ATP2A2: variants seen among roughly 807,000 people sequenced by gnomAD.
ATP2A2 encodes the protein ATPase sarcoplasmic/endoplasmic reticulum Ca2+ transporting 2.
A neutral mutation model predicts 109.3 loss-of-function variants in ATP2A2; 14 were observed. The ratio of observed to expected loss-of-function variants is 0.13; its 90% CI spans 0.08 to 0.20. ATP2A2 has a LOEUF of 0.20. Among genes scored for constraint, ATP2A2 ranks in the 10% least tolerant of loss-of-function variants. ATP2A2 has a pLI of 1.00. For missense variants in ATP2A2, 657 were observed against 1,321.6 expected (o/e 0.50, Z 7.80); for synonymous variants, 506 against 490.9 (o/e 1.03, Z -0.41).
chr12:110,308,867 G>A (rs1201224138), intron 5 of ATP2A2, among the ~76,000 whole-genome samples: 3 of 152,190 alleles, frequency 2.0e-5, no homozygotes, highest in African/African-American at 4.8e-5. Context: ...ATGTGAAGGG[G>A]TTTTTCAGAT....
At chr12:110,343,660 T>C (rs1879570968) in intron 16 of ATP2A2, among the ~76,000 whole-genome samples, 1 of 152,194 alleles carries the variant, frequency 6.6e-6, no homozygotes, top group Admixed American at 6.5e-5. Context: ...CTTTTCTGAA[T>C]GAGCAATTAA....
intron 5 of ATP2A2, among the ~76,000 whole-genome samples, chr12:110,313,194 C>T (rs1054774041): frequency 6.6e-6 from 1 of 152,070 alleles, no homozygotes. Flanking sequence ...CCTCTCTACT[C>T]CCCATGATTC....
At chr12:110,299,943 G>A (rs1874382023) in intron 5 of ATP2A2, among the ~76,000 whole-genome samples, 1 of 151,734 alleles carries the variant, frequency 6.6e-6, no homozygotes, top group Non-Finnish European at 1.5e-5. Context: ...TTTAGTAGAT[G>A]TGGGGTTTCT....
intron 2 of ATP2A2, 37 bp from the exon 3 acceptor site, chr12:110,282,676 A>G (rs1437201076): frequency 3.1e-6 from 5 of 1,613,756 alleles, no homozygotes; most frequent in Middle Eastern, 1.6e-4. Flanking sequence ...GCTGATGGTA[A>G]GATGACAGTT....
chr12:110,286,675 G>A (rs1872694500), intron 3 of ATP2A2, among the ~76,000 whole-genome samples: 1 of 147,814 alleles, frequency 6.8e-6, no homozygotes, highest in Admixed American at 6.7e-5. Flanking sequence ...TTCTCGAAAT[G>A]TTTAATTTCC....
intron 3 of ATP2A2, among the ~76,000 whole-genome samples, chr12:110,285,172 T>C (rs1336758484): frequency 2.0e-5 from 3 of 152,250 alleles, no homozygotes; most frequent in Non-Finnish European, 4.4e-5. Flanking sequence ...CTATAGTTAA[T>C]ATTTTGCTGT....
chr12:110,319,514 C>T (rs2137793949), intron 5 of ATP2A2, among the ~76,000 whole-genome samples: 1 of 150,992 alleles, frequency 6.6e-6, no homozygotes, highest in Non-Finnish European at 1.5e-5. Context: ...AGTTTCTGCA[C>T]AGCAAAGAAA....
At chr12:110,304,079 T>A (rs1039251096) in intron 5 of ATP2A2, among the ~76,000 whole-genome samples, 1 of 152,148 alleles carries the variant, frequency 6.6e-6, no homozygotes, top group Non-Finnish European at 1.5e-5. Context: ...ATAAATGGAG[T>A]CAATCTTGGT....
chr12:110,325,977 C>A (rs1877755635), intron 6 of ATP2A2: 1 of 212,476 alleles, frequency 4.7e-6, no homozygotes, highest in Non-Finnish European at 9.6e-6. Flanking sequence ...TAGAGCAAGA[C>A]CTCTGTCTCG....
In ATP2A2 at chr12:110,347,130, A is replaced by G; in HGVS notation, c.*660A>G. ...CAGTTTTAACGAGAGGTATGCCTGTACTCGCTTGTGCAGAAAACATTGTTC... is the reference window on the plus strand; with the variant it reads ...CAGTTTTAACGAGAGGTATGCCTGTGCTCGCTTGTGCAGAAAACATTGTTC... On this transcript the variant is annotated 3_prime_UTR_variant, in exon 20 of 20. Coordinates refer to ENST00000539276, the MANE Select transcript of ATP2A2 (RefSeq NM_170665.4). The G allele has an allele frequency of 8.5e-7, 1 of 1,172,024 alleles. No individual in the cohort carries two copies. Among genetic ancestry groups the G allele is most frequent in the Non-Finnish European group, 1.1e-6 (1 of 936,838 alleles). 72.6% of individuals were successfully genotyped at this position (1,172,024 alleles called of 1,614,324 possible).
chr12:110,283,778 T>A (rs976066670), intron 3 of ATP2A2, among the ~76,000 whole-genome samples: 2 of 152,162 alleles, frequency 1.3e-5, no homozygotes, highest in African/African-American at 4.8e-5. Flanking sequence ...TGACAAAACT[T>A]CACGGTTTCA....
At chr12:110,291,931 G>A in intron 3 of ATP2A2, 89 bp from the exon 4 acceptor site, 1 of 1,178,358 alleles carries the variant, frequency 8.5e-7, no homozygotes, top group Non-Finnish European at 1.3e-6. Flanking sequence ...ACAGGCCTGA[G>A]CCACCATGCT....
rs1879964040 is a variant in ATP2A2 at position 110,347,242 on chromosome 12, A to G, written c.*772A>G. ...TCTAATGTATTTTATTGTAACAGAC[A>G]TTGTTTTGCCAACATTGCCTATTTC... On this transcript the variant is annotated 3_prime_UTR_variant, in exon 20 of 20. Transcript: ENST00000539276. The G allele has an allele frequency of 2.5e-6, 3 of 1,215,588 alleles. No homozygotes were observed. Among genetic ancestry groups the G allele is most frequent in the Middle Eastern group, 3.6e-4 (1 of 2,748 alleles). 75.3% of individuals were successfully genotyped at this position (1,215,588 alleles called of 1,614,324 possible).
At position 110,319,419 on chromosome 12, in the gene ATP2A2, C is replaced by A. The variant is rs1877017345; in HGVS notation, c.464-3573C>A. ...GCTGTGGTCAGTATTTAAGGGTTTC[C>A]CAGGCATTTGACATTTGTTCCTCTA... is the stretch of plus-strand genomic sequence containing the variant. On this transcript the variant is annotated intron_variant, in intron 5 of 19. Transcript: ENST00000539276. Among the ~76,000 whole-genome samples, 2 of 151,532 alleles carry A rather than the reference C, an allele frequency of 1.3e-5. 1 individual carries two copies. The highest frequency in any genetic ancestry group is 1.3e-4 in the Admixed American group (2 of 15,236).
rs964246816 is a variant in ATP2A2 at position 110,281,247 on chromosome 12, A to G, written c.-543A>G. On this transcript the variant is annotated 5_prime_UTR_variant, in exon 1 of 20. Transcript: ENST00000539276. ...GGGGAGGCAGCGGCCGATAAATGCT[A>G]TTAGAGCAGCCGCCGCGGAGCCGTC... 2 of 151,096 alleles carry G rather than the reference A, an allele frequency of 1.3e-5. No individual in the cohort carries two copies. Among genetic ancestry groups the G allele is most frequent in the Non-Finnish European group, 3.0e-5 (2 of 67,692 alleles). 9.4% of individuals were successfully genotyped at this position (151,096 alleles called of 1,614,324 possible).
rs148494896 is a variant in ATP2A2, at chr12:110,304,273, C to T, written c.463+7536C>T. On this transcript the variant is annotated intron_variant, in intron 5 of 19. Transcript: ENST00000539276. ...ATGCTTGTACTAATTTTTGTGTGAA[C>T]ATAACATTTTCTCTCTGTTAGGTAT... Among the ~76,000 whole-genome samples the T allele has an allele frequency of 2.3e-4, 35 of 152,198 alleles. No individual in the cohort carries two copies. The East Asian group carries it at 6.6e-3, about 28-fold the overall frequency.
intron 8 of ATP2A2, chr12:110,331,713 T>C (rs1878358379): frequency 6.6e-6 from 1 of 152,220 alleles, no homozygotes; most frequent in South Asian, 2.1e-4. Context: ...TATTAATTGC[T>C]CATATTTCAG....
chr12:110,308,134 T>G (rs182573612), intron 5 of ATP2A2, among the ~76,000 whole-genome samples: 1 of 152,366 alleles, frequency 6.6e-6, no homozygotes, highest in East Asian at 1.9e-4. Flanking sequence ...ATAGTTTTTA[T>G]GGGTTCCTTA....
chr12:110,320,896 C>T (rs1184272360), intron 5 of ATP2A2, among the ~76,000 whole-genome samples: 2 of 152,168 alleles, frequency 1.3e-5, no homozygotes, highest in African/African-American at 2.4e-5. Context: ...ACTTAAGCTC[C>T]GAAGTAGAGA....
Sources: gnomAD v4.1 joint callset for allele counts (sites outside exome capture counted in the v4.1 genomes callset) on GRCh38, gnomAD v4.1.1 for gene constraint, MANE v1.5 for transcripts, NCBI Gene and HGNC (gene_info 2026-07-23, HGNC 2026-07-21) for gene names.